Variants in SEMA6D observed in about 807,000 individuals in gnomAD.
SEMA6D encodes the protein semaphorin-6D.
A neutral mutation model predicts 106.6 loss-of-function variants in SEMA6D; 35 were observed. The ratio of observed to expected loss-of-function variants is 0.33; its 90% CI spans 0.25 to 0.44. The LOEUF is 0.44. Ranked by LOEUF, SEMA6D falls within the 20% of genes least tolerant of loss-of-function variation. SEMA6D has a pLI of 1.00. For missense variants in SEMA6D, 1,185 were observed against 1,345.9 expected (o/e 0.88, Z 1.87); for synonymous variants, 499 against 487.7 (o/e 1.02, Z -0.31).
At chr15:47,284,004 A>T (rs2035246772) in intron 1 of SEMA6D, among the ~76,000 whole-genome samples, 2 of 152,022 alleles carry the variant, frequency 1.3e-5, no homozygotes, top group Admixed American at 1.3e-4. Flanking sequence ...TTTTTCTGTC[A>T]TCACCTCTAC....
intron 4 of SEMA6D, among the ~76,000 whole-genome samples, chr15:47,605,694 T>C (rs1241187189): frequency 1.3e-5 from 2 of 152,134 alleles, no homozygotes; most frequent in African/African-American, 4.8e-5. Flanking sequence ...AGGAAAGCAC[T>C]TTACTTGCTA....
intron 1 of SEMA6D, among the ~76,000 whole-genome samples, chr15:47,747,151 A>G (rs1032867610): frequency 2.0e-5 from 3 of 152,000 alleles, no homozygotes; most frequent in African/African-American, 7.2e-5. Context: ...AGTTTCTTGT[A>G]TTATTTTCAC....
At chr15:47,272,353 T>C (rs1363693622) in intron 1 of SEMA6D, among the ~76,000 whole-genome samples, 1 of 152,194 alleles carries the variant, frequency 6.6e-6, no homozygotes, top group African/African-American at 2.4e-5. Context: ...ATCTCTTACC[T>C]GCAATTTAAA....
At chr15:47,384,813 A>AGTTTTTTTG in intron 1 of SEMA6D, among the ~76,000 whole-genome samples, 1 of 86,470 alleles carries the variant, frequency 1.2e-5, no homozygotes. Context: ...TGATTACTAA[A>AGTTTTTTTG]GTTTTTTTTT....
intron 4 of SEMA6D, among the ~76,000 whole-genome samples, chr15:47,677,564 A>G (rs959542302): frequency 1.3e-5 from 2 of 152,224 alleles, no homozygotes; most frequent in African/African-American, 4.8e-5. Context: ...TGTTACAAAT[A>G]TCTTTGAAAA....
chr15:47,301,495 C>T (rs1287420901), intron 1 of SEMA6D, among the ~76,000 whole-genome samples: 1 of 152,220 alleles, frequency 6.6e-6, no homozygotes, highest in Admixed American at 6.5e-5. Flanking sequence ...GCTCTTCCCT[C>T]CACCTTGGCT....
intron 1 of SEMA6D, among the ~76,000 whole-genome samples, chr15:47,401,960 C>A (rs1478522360): frequency 2.6e-5 from 4 of 152,074 alleles, no homozygotes; most frequent in Non-Finnish European, 5.9e-5. Context: ...TTGTTGCCTC[C>A]CAAGCCAGAA....
At chr15:47,677,901 C>T (rs1042078025) in intron 4 of SEMA6D, among the ~76,000 whole-genome samples, 1 of 152,064 alleles carries the variant, frequency 6.6e-6, no homozygotes, top group Non-Finnish European at 1.5e-5. Flanking sequence ...CACAAAAGCA[C>T]ACCCATGTTT....
At chr15:47,634,726 T>C (rs936762182) in intron 4 of SEMA6D, among the ~76,000 whole-genome samples, 1 of 151,782 alleles carries the variant, frequency 6.6e-6, no homozygotes, top group African/African-American at 2.4e-5. Context: ...ATTGTAGCAC[T>C]GCCTCTGTCT....
intron 1 of SEMA6D, among the ~76,000 whole-genome samples, chr15:47,378,366 C>T (rs558894659): frequency 3.9e-5 from 6 of 152,208 alleles, no homozygotes; most frequent in East Asian, 3.9e-4. Flanking sequence ...CGTGGTGGCA[C>T]GCGCCTGTAA....
intron 2 of SEMA6D, among the ~76,000 whole-genome samples, chr15:47,416,861 A>G (rs1360694457): frequency 6.6e-6 from 1 of 152,264 alleles, no homozygotes; most frequent in Non-Finnish European, 1.5e-5. Context: ...CAGCTGATCA[A>G]AATAGCCCAT....
At chr15:47,507,664 G>A (rs2044093269) in intron 3 of SEMA6D, among the ~76,000 whole-genome samples, 1 of 152,156 alleles carries the variant, frequency 6.6e-6, no homozygotes, top group African/African-American at 2.4e-5. Context: ...TTATATTTAA[G>A]GTCCAAATAT....
At chr15:47,224,988 C>CA (rs1348243816) in intron 1 of SEMA6D, among the ~76,000 whole-genome samples, 1 of 150,866 alleles carries the variant, frequency 6.6e-6, no homozygotes, top group Non-Finnish European at 1.5e-5. Flanking sequence ...CACGAATACC[C>CA]ACTTTTTTCC....
At chr15:47,492,516 G>A (rs1269986684) in intron 3 of SEMA6D, among the ~76,000 whole-genome samples, 4 of 152,136 alleles carry the variant, frequency 2.6e-5, no homozygotes, top group Non-Finnish European at 5.9e-5. Context: ...TTATTACACA[G>A]CACTGCCTAT....
intron 2 of SEMA6D, among the ~76,000 whole-genome samples, chr15:47,441,193 C>T (rs2041871223): frequency 6.6e-6 from 1 of 152,056 alleles, no homozygotes. Flanking sequence ...GATCACCTGT[C>T]CTTCCAGACA....
intron 3 of SEMA6D, among the ~76,000 whole-genome samples, chr15:47,584,384 T>C (rs142120224): frequency 1.3e-5 from 2 of 151,726 alleles, no homozygotes; most frequent in Admixed American, 1.3e-4. Context: ...GATTGTGCCA[T>C]TGTACTCCAG....
At chr15:47,286,101 T>C (rs1484076138) in intron 1 of SEMA6D, among the ~76,000 whole-genome samples, 1 of 152,200 alleles carries the variant, frequency 6.6e-6, no homozygotes, top group Non-Finnish European at 1.5e-5. Flanking sequence ...ACTTTAGGAC[T>C]CTGGGTTGGA....
chr15:47,201,343 A>G (rs1263751656), intron 1 of SEMA6D, among the ~76,000 whole-genome samples: 1 of 152,200 alleles, frequency 6.6e-6, no homozygotes, highest in Non-Finnish European at 1.5e-5. Flanking sequence ...TACAAAATTC[A>G]TAGGCCTAAT....
intron 4 of SEMA6D, among the ~76,000 whole-genome samples, chr15:47,674,352 C>G (rs144895298): frequency 1.3e-5 from 2 of 152,320 alleles, no homozygotes; most frequent in African/African-American, 4.8e-5. Flanking sequence ...GCGACTGATT[C>G]CTCAGACACC....
Sources: allele counts gnomAD v4.1 joint callset (sites outside exome capture counted in the v4.1 genomes callset), GRCh38; gene constraint gnomAD v4.1.1; transcripts MANE v1.5; gene names NCBI Gene and HGNC (gene_info 2026-07-23, HGNC 2026-07-21).